Variants in IL1RAPL2 observed in about 807,000 individuals in gnomAD.
IL1RAPL2 encodes interleukin 1 receptor accessory protein like 2, also known as X-linked interleukin-1 receptor accessory protein-like 2.
Under a neutral mutation model 44.1 loss-of-function variants are expected in IL1RAPL2, and 3 were observed. The ratio of observed to expected loss-of-function variants is 0.07; its 90% confidence interval spans 0.03 to 0.18. The LOEUF (loss-of-function observed/expected upper bound fraction) is 0.18. Among genes scored for constraint, IL1RAPL2 ranks in the 10% least tolerant of loss-of-function variants. The pLI is 1.00. For missense variants in IL1RAPL2, 391 were observed against 496.4 expected, an observed-to-expected ratio of 0.79 and a Z score of 2.02; for synonymous variants, 181 against 178.8, an observed-to-expected ratio of 1.01 and a Z score of -0.10.
intron 5 of IL1RAPL2, among the ~76,000 whole-genome samples, chrX:105,417,467 C>T (rs753316036): frequency 9.8e-5 from 11 of 112,499 alleles, no homozygotes; most frequent in East Asian, 5.6e-4. Context: ...AACGAGCCTT[C>T]GTCTCAAAAA....
intron 2 of IL1RAPL2, among the ~76,000 whole-genome samples, chrX:105,064,633 A>T (rs776939177): frequency 1.8e-5 from 2 of 112,668 alleles, no homozygotes; most frequent in African/African-American, 6.4e-5. Context: ...TATGTGTGTT[A>T]CATTCTGTCT....
chrX:105,322,220 A>G (rs2034902350), intron 5 of IL1RAPL2, among the ~76,000 whole-genome samples: 1 of 112,802 alleles, frequency 8.9e-6, no homozygotes, highest in Non-Finnish European at 1.9e-5. Context: ...CATCTGCTAT[A>G]CAATATTGTC....
intron 3 of IL1RAPL2, among the ~76,000 whole-genome samples, chrX:105,204,508 A>T (rs1284149309): frequency 1.8e-5 from 2 of 111,979 alleles, no homozygotes; most frequent in Admixed American, 9.5e-5. Context: ...TTCAATGCTT[A>T]TATGGACTAA....
intron 2 of IL1RAPL2, among the ~76,000 whole-genome samples, chrX:104,906,883 G>A (rs1249212284): frequency 2.7e-5 from 3 of 111,210 alleles, no homozygotes; most frequent in African/African-American, 9.8e-5. Context: ...AAGGAAACTA[G>A]TTCCTCCTTG....
intron 2 of IL1RAPL2, among the ~76,000 whole-genome samples, chrX:104,795,268 G>A (rs1226664762): frequency 9.0e-6 from 1 of 111,360 alleles, no homozygotes; most frequent in African/African-American, 3.3e-5. Flanking sequence ...TTGGGTAAAA[G>A]CAGGTTTAAT....
chrX:105,036,735 C>T lies in IL1RAPL2; in HGVS notation c.83-158740C>T, dbSNP rs956493536. On this transcript the variant is annotated intron_variant, in intron 2 of 10. Transcript: ENST00000372582. The stretch of plus-strand genomic sequence containing the variant: ...AATTCCCCAAATTTCACGAACGTTA[C>T]AAACTATAATACTTTTATGGCATTG... Among the ~76,000 whole-genome samples the T allele has an allele frequency of 1.8e-5, 2 of 111,658 alleles. 1 individual carries two copies. The highest frequency in any genetic ancestry group is 7.5e-4 in the South Asian group (2 of 2,662).
chrX:105,654,088 T>C (rs1490252032), intron 6 of IL1RAPL2, among the ~76,000 whole-genome samples: 1 of 110,542 alleles, frequency 9.0e-6, no homozygotes, highest in Non-Finnish European at 1.9e-5. Flanking sequence ...GCCACAGAAA[T>C]CTCAAAAGCA....
At chrX:104,959,792 G>A (rs941586703) in intron 2 of IL1RAPL2, among the ~76,000 whole-genome samples, 8 of 110,584 alleles carry the variant, frequency 7.2e-5, no homozygotes, top group African/African-American at 2.3e-4. Context: ...CCTTCCCTTC[G>A]CTTCCATTGC....
At chrX:105,007,410 A>G (rs2030962128) in intron 2 of IL1RAPL2, among the ~76,000 whole-genome samples, 1 of 111,783 alleles carries the variant, frequency 8.9e-6, no homozygotes, top group Non-Finnish European at 1.9e-5. Context: ...CTGTTTTTCC[A>G]GCATAATATC....
chrX:104,702,862 C>G (rs1931301236), intron 2 of IL1RAPL2, among the ~76,000 whole-genome samples: 1 of 111,344 alleles, frequency 9.0e-6, no homozygotes, highest in Non-Finnish European at 1.9e-5. Flanking sequence ...GGAATTGAAG[C>G]AAGGAAATTA....
At chrX:105,660,435 A>G (rs748055327) in intron 6 of IL1RAPL2, among the ~76,000 whole-genome samples, 1 of 111,522 alleles carries the variant, frequency 9.0e-6, no homozygotes, top group Non-Finnish European at 1.9e-5. Context: ...ATCTGAGGGT[A>G]CAAAACTCAC....
chrX:105,762,724 A>G (rs1396124592), intron 10 of IL1RAPL2, among the ~76,000 whole-genome samples: 1 of 111,662 alleles, frequency 9.0e-6, no homozygotes, highest in Non-Finnish European at 1.9e-5. Flanking sequence ...CTTGCAAAGA[A>G]ATGACTTAGT....
At chrX:105,685,954 A>G (rs12395113) in intron 6 of IL1RAPL2, among the ~76,000 whole-genome samples, 2,153 of 111,262 alleles carry the variant, frequency 0.019, 54 homozygotes, top group African/African-American at 0.067. Context: ...AGCCAAACTA[A>G]GGTTCATAAG....
intron 2 of IL1RAPL2, among the ~76,000 whole-genome samples, chrX:105,171,965 T>C (rs919635328): frequency 6.2e-5 from 7 of 112,274 alleles, no homozygotes; most frequent in Admixed American, 1.9e-4. Flanking sequence ...ATAGATTCCT[T>C]TAAATCCAAC....
At chrX:104,925,603 A>G (rs1239649895) in intron 2 of IL1RAPL2, among the ~76,000 whole-genome samples, 2 of 112,203 alleles carry the variant, frequency 1.8e-5, no homozygotes, top group African/African-American at 6.5e-5. Context: ...CAAAAATCAC[A>G]TGATTATCTC....
intron 2 of IL1RAPL2, among the ~76,000 whole-genome samples, chrX:104,898,842 C>A (rs988538664): frequency 1.5e-4 from 13 of 87,439 alleles, no homozygotes; most frequent in Non-Finnish European, 3.4e-4. Context: ...GATACTCTTC[C>A]ATTAGCACTG....
At chrX:104,832,021 T>A (rs1921623928) in intron 2 of IL1RAPL2, among the ~76,000 whole-genome samples, 1 of 110,973 alleles carries the variant, frequency 9.0e-6, no homozygotes, top group African/African-American at 3.3e-5. Flanking sequence ...CAAGAGTATC[T>A]CTTTTCCTTT....
intron 6 of IL1RAPL2, among the ~76,000 whole-genome samples, chrX:105,490,767 T>C (rs998443978): frequency 1.8e-5 from 2 of 112,081 alleles, no homozygotes; most frequent in African/African-American, 6.5e-5. Context: ...AATACAGAGG[T>C]GAATTAAATG....
chrX:104,938,738 C>T (rs1925087139), intron 2 of IL1RAPL2, among the ~76,000 whole-genome samples: 1 of 109,425 alleles, frequency 9.1e-6, no homozygotes, highest in African/African-American at 3.3e-5. Flanking sequence ...AGGAGGCTGG[C>T]CGTGGCGTTT....
Sources: gnomAD v4.1 joint callset for allele counts (sites outside exome capture counted in the v4.1 genomes callset) on GRCh38, gnomAD v4.1.1 for gene constraint, MANE v1.5 for transcripts, NCBI Gene and HGNC (gene_info 2026-07-23, HGNC 2026-07-21) for gene names.